The following SUSD1 variants were observed in gnomAD, a reference collection of about 807,000 sequenced individuals.
SUSD1 encodes the protein sushi domain-containing protein 1.
Under a neutral mutation model 86.9 loss-of-function variants are expected in SUSD1, and 65 were observed. The ratio of observed to expected loss-of-function variants is 0.75; its 90% CI spans 0.61 to 0.92. The LOEUF (loss-of-function observed/expected upper bound fraction) is 0.92, where lower values mean the gene tolerates loss of function less well. Among genes scored for constraint, SUSD1 ranks in the 40% least tolerant of loss-of-function variants. The pLI, the probability that SUSD1 is intolerant of heterozygous loss-of-function variation, is 0.00. For missense variants in SUSD1, 850 were observed against 929.7 expected (o/e 0.91, Z 1.11); for synonymous variants, 346 against 350.0 (o/e 0.99, Z 0.13).
intron 2 of SUSD1, among the ~76,000 whole-genome samples, chr9:112,152,706 C>T (rs1428248993): frequency 6.7e-6 from 1 of 149,324 alleles, no homozygotes; most frequent in Non-Finnish European, 1.5e-5. Flanking sequence ...TAAGCCACCA[C>T]ATCCAGCCTT....
intron 1 of SUSD1, among the ~76,000 whole-genome samples, chr9:112,168,275 T>A (rs1833905464): frequency 6.6e-6 from 1 of 152,218 alleles, no homozygotes; most frequent in Non-Finnish European, 1.5e-5. Flanking sequence ...AGAAATGCAC[T>A]GATGCAAAAA....
intron 1 of SUSD1, among the ~76,000 whole-genome samples, chr9:112,159,041 C>T (rs1447495289): frequency 6.6e-6 from 1 of 151,508 alleles, no homozygotes. Context: ...TTTAAGATGA[C>T]AGTGATATAA....
chr9:112,089,515 TAA>T (rs1216301293), intron 10 of SUSD1, among the ~76,000 whole-genome samples: 2 of 151,962 alleles, frequency 1.3e-5, no homozygotes, highest in East Asian at 3.9e-4. Flanking sequence ...AGAAAGGATA[TAA>T]TAGTTATGAA....
At chr9:112,154,543 CT>C (rs1175963622) in intron 2 of SUSD1, among the ~76,000 whole-genome samples, 3 of 151,922 alleles carry the variant, frequency 2.0e-5, no homozygotes, top group Non-Finnish European at 4.4e-5. Context: ...AAAAAACTAT[CT>C]TTGGGGAGAT....
At chr9:112,144,150 G>C (rs1443696175) in intron 3 of SUSD1, among the ~76,000 whole-genome samples, 1 of 151,922 alleles carries the variant, frequency 6.6e-6, no homozygotes, top group Non-Finnish European at 1.5e-5. Context: ...TGAGGCAGGA[G>C]AATCACTTGA....
chr9:112,058,318 T>C, intron 14 of SUSD1, 110 bp downstream of exon 14: 2 of 1,349,146 alleles, frequency 1.5e-6, no homozygotes, highest in Non-Finnish European at 9.9e-7. Context: ...CATTTTGTGA[T>C]TGTTACATGC....
At chr9:112,081,239 GA>G in intron 10 of SUSD1, among the ~76,000 whole-genome samples, 3 of 152,230 alleles carry the variant, frequency 2.0e-5, no homozygotes, top group Middle Eastern at 6.8e-3. Flanking sequence ...CAAATTACGT[GA>G]AAAAAGGAAG....
At chr9:112,058,983 G>A (rs1828585325) in intron 13 of SUSD1, among the ~76,000 whole-genome samples, 1 of 152,124 alleles carries the variant, frequency 6.6e-6, no homozygotes, top group Admixed American at 6.5e-5. Context: ...TAGTAGAGAT[G>A]GGGTTTCACC....
rs749601366 is a variant in SUSD1 at position 112,063,026 on chromosome 9, G to A, written c.1761C>T (p.Pro587=). Residue 587 remains proline, a synonymous_variant, in exon 13 of 17, where the codon CCC becomes CCT. Coordinates refer to ENST00000374270, the MANE Select transcript of SUSD1 (RefSeq NM_022486.5). ...CCGTAAAAAATTCTACTTCCGGGAG[G>A]GGAGGCTCTGAAAACATGTTGAAAA... ...ISLTTQITEP[P]LPEVEFFTVH... 1 of 1,609,906 alleles carries A rather than the reference G, an allele frequency of 6.2e-7. No individual in the cohort carries two copies. Among genetic ancestry groups the A allele is most frequent in the Admixed American group, 1.7e-5 (1 of 59,976 alleles).
chr9:112,104,427 C>CTTTTTT (rs2131624257), intron 8 of SUSD1, among the ~76,000 whole-genome samples: 1 of 151,950 alleles, frequency 6.6e-6, no homozygotes, highest in South Asian at 2.1e-4. Context: ...AATAATAGTC[C>CTTTTTT]TTCTTTAGCC....
intron 10 of SUSD1, among the ~76,000 whole-genome samples, chr9:112,083,229 A>G (rs1829838891): frequency 6.6e-6 from 1 of 152,148 alleles, no homozygotes; most frequent in Middle Eastern, 3.2e-3. Context: ...CGAAGATTTT[A>G]AAGAATTTTT....
rs187005514 is a variant in SUSD1, at chr9:112,078,756, G to T, written c.1567-32C>A. ...CATAAAAAAGCTCACTGGGTGAATG[G>T]TTGGCCTAAAAGGCTTTAGATGCCT... On this transcript the variant is annotated intron_variant, in intron 11 of 16. Transcript: ENST00000374270. 1.2e-5 allele frequency: 19 copies of T among 1,595,478 alleles called. No individual in the cohort carries two copies. In the African/African-American group the frequency reaches 1.9e-4, roughly 16 times the overall value.
At chr9:112,169,628 C>G (rs1289515044) in intron 1 of SUSD1, among the ~76,000 whole-genome samples, 7 of 151,192 alleles carry the variant, frequency 4.6e-5, no homozygotes, top group Admixed American at 4.6e-4. Flanking sequence ...CCTACCGGTT[C>G]TTTTCACACC....
chr9:112,093,362 G>A (rs1269940209), intron 10 of SUSD1, among the ~76,000 whole-genome samples: 2 of 152,182 alleles, frequency 1.3e-5, no homozygotes, highest in African/African-American at 4.8e-5. Flanking sequence ...ACAGGTACAA[G>A]GAGCACTCTG....
At chr9:112,174,992 GGCGCGGGCCCCACCT>G in intron 1 of SUSD1, 126 bp downstream of exon 1, 1 of 557,090 alleles carries the variant, frequency 1.8e-6, no homozygotes, top group Non-Finnish European at 2.3e-6. Context: ...TCCAACGGCC[GGCGCGGGCCCCACCT>G]GCGCCCCACG....
intron 12 of SUSD1, among the ~76,000 whole-genome samples, chr9:112,066,981 T>C (rs1829010128): frequency 1.3e-5 from 2 of 152,234 alleles, no homozygotes; most frequent in Admixed American, 1.3e-4. Context: ...GTTCAAGCTC[T>C]TCTTCTACCT....
intron 8 of SUSD1, among the ~76,000 whole-genome samples, chr9:112,108,759 C>T (rs1429920099): frequency 9.8e-6 from 1 of 102,118 alleles, no homozygotes; most frequent in Non-Finnish European, 1.8e-5. Context: ...ACCTGGGTGA[C>T]AGAGCTGGGT....
At chr9:112,078,786 ACC>A in intron 11 of SUSD1, 62 bp from the exon 12 acceptor site, 1 of 1,284,234 alleles carries the variant, frequency 7.8e-7, no homozygotes, top group Middle Eastern at 2.2e-4. Context: ...ATGCCTTGAA[ACC>A]TCCCCTTTTC....
chr9:112,160,260 G>A (rs1056704563), intron 1 of SUSD1, among the ~76,000 whole-genome samples: 3 of 152,138 alleles, frequency 2.0e-5, no homozygotes, highest in Non-Finnish European at 4.4e-5. Context: ...AAATGAAAAT[G>A]AGGCTGGGCG....
Sources: allele counts gnomAD v4.1 joint callset (sites outside exome capture counted in the v4.1 genomes callset), GRCh38; gene constraint gnomAD v4.1.1; transcripts MANE v1.5; gene names NCBI Gene and HGNC (gene_info 2026-07-23, HGNC 2026-07-21).